Variants in NHS observed in about 807,000 individuals in gnomAD.
NHS encodes the protein actin remodeling regulator NHS.
A neutral mutation model predicts 72.5 loss-of-function variants in NHS; 5 were observed. The observed-to-expected ratio is 0.07, with a 90% CI of 0.04 to 0.14. NHS has a LOEUF of 0.14. Among genes scored for constraint, NHS ranks in the 10% least tolerant of loss-of-function variants. The pLI is 1.00. For missense variants in NHS, 1,072 were observed against 1,355.7 expected, an observed-to-expected ratio of 0.79 and a Z score of 3.29; for synonymous variants, 464 against 547.7, an observed-to-expected ratio of 0.85 and a Z score of 2.13.
chrX:17,478,648 T>C (rs751745572), intron 1 of NHS, among the ~76,000 whole-genome samples: 53 of 111,873 alleles, frequency 4.7e-4, no homozygotes, highest in Non-Finnish European at 8.1e-4. Flanking sequence ...TACAACAGTC[T>C]ATCTAATATT....
intron 1 of NHS, among the ~76,000 whole-genome samples, chrX:17,465,038 G>A (rs113152616): frequency 0.013 from 1,495 of 112,006 alleles, 26 homozygotes; most frequent in African/African-American, 0.045. Flanking sequence ...GATGTAGAAC[G>A]GAAGGTGGGA....
chrX:17,594,821 G>A (rs959169762), intron 1 of NHS, among the ~76,000 whole-genome samples: 4 of 112,607 alleles, frequency 3.6e-5, no homozygotes, highest in Non-Finnish European at 7.5e-5. Context: ...ACTAGCTACA[G>A]TGCAATCTCA....
intron 1 of NHS, 136 bp from the exon 2 acceptor site, chrX:17,687,606 A>T: frequency 2.6e-6 from 2 of 758,032 alleles, no homozygotes; most frequent in Non-Finnish European, 4.1e-6. Context: ...GCCTTGAGTT[A>T]GTTCTTAATG....
intron 1 of NHS, among the ~76,000 whole-genome samples, chrX:17,481,517 T>C (rs1820443862): frequency 8.9e-6 from 1 of 111,926 alleles, no homozygotes; most frequent in Non-Finnish European, 1.9e-5. Flanking sequence ...AGAGTATGTT[T>C]TCCACAGTAT....
At chrX:17,383,866 G>C (rs2064392353) in intron 1 of NHS, among the ~76,000 whole-genome samples, 1 of 112,111 alleles carries the variant, frequency 8.9e-6, no homozygotes, top group Admixed American at 9.4e-5. Context: ...CAGTGCTTCA[G>C]CAGTGAGAAG....
At chrX:17,574,338 C>G (rs988500153) in intron 1 of NHS, among the ~76,000 whole-genome samples, 1 of 112,222 alleles carries the variant, frequency 8.9e-6, no homozygotes, top group Non-Finnish European at 1.9e-5. Context: ...GGGCTCTGCC[C>G]AGTTCGAGCT....
intron 8 of NHS, among the ~76,000 whole-genome samples, chrX:17,731,150 G>C (rs1315535145): frequency 9.6e-6 from 1 of 104,071 alleles, no homozygotes; most frequent in Admixed American, 1.0e-4. Context: ...CAGAGACAGA[G>C]TTAATAAGAA....
chrX:17,485,978 G>T (rs887127797), intron 1 of NHS, among the ~76,000 whole-genome samples: 1 of 111,565 alleles, frequency 9.0e-6, no homozygotes, highest in Non-Finnish European at 1.9e-5. Context: ...CCCTAGCTGG[G>T]ACTAATATAT....
chrX:17,633,830 G>A (rs777286328), intron 1 of NHS, among the ~76,000 whole-genome samples: 3 of 111,787 alleles, frequency 2.7e-5, no homozygotes, highest in Non-Finnish European at 3.8e-5. Context: ...TTTCATTCGC[G>A]ACAGTCTTTT....
chrX:17,411,948 G>A (rs1458997726), intron 1 of NHS, among the ~76,000 whole-genome samples: 1 of 111,329 alleles, frequency 9.0e-6, no homozygotes, highest in African/African-American at 3.3e-5. Context: ...ATTATGTGTA[G>A]TTTCATACTT....
chrX:17,439,103 G>A (rs1428733715), intron 1 of NHS, among the ~76,000 whole-genome samples: 3 of 78,842 alleles, frequency 3.8e-5, no homozygotes, highest in Admixed American at 3.5e-4. Context: ...ACAGAATGGG[G>A]AGAAAGATAG....
At chrX:17,535,693 C>T (rs2065219669) in intron 1 of NHS, among the ~76,000 whole-genome samples, 1 of 111,273 alleles carries the variant, frequency 9.0e-6, no homozygotes, top group South Asian at 3.8e-4. Flanking sequence ...ATCATTTTGC[C>T]TCAGCCCCCC....
chrX:17,413,632 CTGTT>C (rs1409213674), intron 1 of NHS, among the ~76,000 whole-genome samples: 5 of 112,170 alleles, frequency 4.5e-5, no homozygotes, highest in Non-Finnish European at 9.4e-5. Context: ...AAGGCGAAGA[CTGTT>C]TGTTTTGAAA....
At chrX:17,634,427 C>A (rs2065834775) in intron 1 of NHS, among the ~76,000 whole-genome samples, 1 of 111,992 alleles carries the variant, frequency 8.9e-6, no homozygotes, top group South Asian at 3.8e-4. Context: ...AAAAGCTCGT[C>A]TCCCACTCTT....
chrX:17,452,110 C>T lies in NHS; in HGVS notation c.565+75788C>T, dbSNP rs768549720. Among the ~76,000 whole-genome samples the T allele has an allele frequency of 6.3e-5, 7 of 111,374 alleles. No individual in the cohort carries two copies. In the South Asian group the frequency reaches 1.1e-3, roughly 18 times the overall value. The stretch of plus-strand genomic sequence containing the variant: ...AGGGTCCTTGCCCTCAAGGAACTTA[C>T]GGTTAATTGGGAGGTAGATACATGT... On this transcript the variant is annotated intron_variant, in intron 1 of 8. Coordinates refer to ENST00000676302, the MANE Select transcript of NHS (RefSeq NM_001291867.2).
chrX:17,550,512 C>G (rs1459458703), intron 1 of NHS, among the ~76,000 whole-genome samples: 1 of 112,055 alleles, frequency 8.9e-6, no homozygotes, highest in Non-Finnish European at 1.9e-5. Flanking sequence ...GTCTGCTGGC[C>G]TGGGGCTGAG....
chrX:17,567,787 GA>G (rs1423213778), intron 1 of NHS, among the ~76,000 whole-genome samples: 1 of 108,748 alleles, frequency 9.2e-6, no homozygotes, highest in Non-Finnish European at 1.9e-5. Flanking sequence ...AAGAGGAAGA[GA>G]AAAAATATCT....
chrX:17,386,663 C>CAAAAAA (rs1184465152), intron 1 of NHS, among the ~76,000 whole-genome samples: 163 of 37,406 alleles, frequency 4.4e-3, no homozygotes, highest in African/African-American at 0.011. Flanking sequence ...AACTCTGTCT[C>CAAAAAA]AAAAAAAAAA....
chrX:17,592,560 T>G (rs2065608087), intron 1 of NHS, among the ~76,000 whole-genome samples: 2 of 112,151 alleles, frequency 1.8e-5, no homozygotes, highest in African/African-American at 6.5e-5. Flanking sequence ...ACCAAGGTAG[T>G]TTAATAATGG....
Sources: allele counts gnomAD v4.1 joint callset (sites outside exome capture counted in the v4.1 genomes callset), GRCh38; gene constraint gnomAD v4.1.1; transcripts MANE v1.5; gene names NCBI Gene and HGNC (gene_info 2026-07-23, HGNC 2026-07-21).